NFYB: variants seen among roughly 807,000 people sequenced by gnomAD.
NFYB encodes nuclear transcription factor Y subunit beta, also known as CAAT box DNA-binding protein subunit B.
Under a neutral mutation model 28.0 loss-of-function variants are expected in NFYB, and 13 were observed. That is an observed-to-expected ratio of 0.46 (90% confidence interval 0.30 to 0.74). NFYB has a LOEUF of 0.74. Ranked by LOEUF, NFYB falls within the 30% of genes least tolerant of loss-of-function variation. The pLI is 0.07. For missense variants in NFYB, 142 were observed against 247.6 expected (o/e 0.57, Z 2.86); for synonymous variants, 74 against 75.0 (o/e 0.99, Z 0.07).
chr12:104,124,632 T>C (rs530808476), intron 4 of NFYB, among the ~76,000 whole-genome samples: 3 of 152,334 alleles, frequency 2.0e-5, no homozygotes, highest in South Asian at 2.1e-4. Context: ...ATTCTTACCA[T>C]TTAAACATAG....
chr12:104,125,181 A>G (rs753909156), intron 4 of NFYB: 4 of 152,250 alleles, frequency 2.6e-5, no homozygotes, highest in Admixed American at 6.5e-5. Flanking sequence ...TATTACACCT[A>G]TATCAGACCA....
Position 104,121,279 on chromosome 12 carries a change from T to C in NFYB, c.472A>G (p.Thr158Ala). ...EKGIGGAVTA[T>A]DGLSEELTEE... ...GTAAGCTCTTCACTTAGTCCATCTG[T>C]AGCTGTGACTGCTCCACCAATTCCC... Residue 158 changes from threonine (T) to alanine (A), a missense_variant, in exon 6 of 8, where the codon ACA (threonine) becomes GCA (alanine). Physicochemically the swap from Thr to Ala is moderately conservative, Grantham distance 58 (BLOSUM62 0). Coordinates refer to ENST00000240055, the MANE Select transcript of NFYB (RefSeq NM_006166.4). 6 of 1,612,774 alleles carry C rather than the reference T, an allele frequency of 3.7e-6. No individual in the cohort carries two copies. Among genetic ancestry groups the C allele is most frequent in the Non-Finnish European group, 4.2e-6 (5 of 1,179,624 alleles).
chr12:104,122,350 G>T, intron 5 of NFYB, among the ~76,000 whole-genome samples: 1 of 152,190 alleles, frequency 6.6e-6, no homozygotes, highest in Non-Finnish European at 1.5e-5. Flanking sequence ...CTATGCTATA[G>T]TTAGTAATAA....
In NFYB at chr12:104,135,435, A is replaced by C; in HGVS notation, c.6+13T>G. On this transcript the variant is annotated intron_variant, in intron 2 of 7. Coordinates refer to ENST00000240055, the MANE Select transcript of NFYB (RefSeq NM_006166.4). ...AAATCTAATTAACAACCAAAATGGT[A>C]AAATATACTTACTGTCATGAAATAC... is the stretch of plus-strand genomic sequence containing the variant. The C allele has an allele frequency of 6.3e-7, 1 of 1,587,146 alleles. No homozygotes were observed. The highest frequency in any genetic ancestry group is 1.4e-5 in the African/African-American group (1 of 73,342).
rs192284571 is a variant in NFYB, at chr12:104,120,306, C to T, written c.591+94G>A. ...CTGACCTCAGGTGATCCACCCACCTCGGCCTCCCAAGGTGCTGGGATTACA... is the reference window on the plus strand; with the variant it reads ...CTGACCTCAGGTGATCCACCCACCTTGGCCTCCCAAGGTGCTGGGATTACA... On this transcript the variant is annotated intron_variant, in intron 7 of 7. Coordinates refer to ENST00000240055, the MANE Select transcript of NFYB (RefSeq NM_006166.4). 70 of 961,734 alleles carry T rather than the reference C, an allele frequency of 7.3e-5. 1 individual carries two copies. The highest frequency in any genetic ancestry group is 1.0e-4 in the East Asian group (4 of 38,658). 59.6% of individuals were successfully genotyped at this position (961,734 alleles called of 1,614,324 possible).
intron 3 of NFYB, among the ~76,000 whole-genome samples, chr12:104,126,645 G>C (rs1340853064): frequency 6.6e-6 from 1 of 151,898 alleles, no homozygotes. Flanking sequence ...GCTACTTAAT[G>C]TCACGAATCA....
Position 104,119,603 on chromosome 12 carries a change from G to C in NFYB, c.*134C>G, listed in dbSNP as rs576184297. 14 of 556,652 alleles carry C rather than the reference G, an allele frequency of 2.5e-5. No homozygotes were observed. Among genetic ancestry groups the C allele is most frequent in the African/African-American group, 3.8e-5 (2 of 53,304 alleles). The allele number at this position is 556,652 out of a possible 1,614,324, so 34.5% of individuals were successfully genotyped here. A position where few individuals can be genotyped will look rare whatever the true frequency, so the allele number is the denominator to read the frequency against. ...CAGAATTAACACCTCAATTAGTCAA[G>C]CATCAGGAAGCTACATTACAGCTAT... On this transcript the variant is annotated 3_prime_UTR_variant, in exon 8 of 8. Transcript: ENST00000240055.
intron 2 of NFYB, among the ~76,000 whole-genome samples, chr12:104,129,758 T>C (rs766139063): frequency 3.3e-5 from 5 of 152,140 alleles, no homozygotes; most frequent in Non-Finnish European, 7.4e-5. Context: ...TTGTGGCATG[T>C]GCCTGTAGTC....
chr12:104,121,671 C>T (rs1444120560), intron 5 of NFYB, among the ~76,000 whole-genome samples: 1 of 152,160 alleles, frequency 6.6e-6, no homozygotes, highest in Non-Finnish European at 1.5e-5. Flanking sequence ...ACAAATGATC[C>T]AAGTGATCAC....
chr12:104,128,471 G>T lies in NFYB; in HGVS notation c.53C>A (p.Ser18Tyr). The change falls in exon 3 of 8, where the codon TCT becomes TAT. Residue 18 changes from serine to tyrosine, a missense_variant. Around this residue, in one of 2 missense-constraint regions of NFYB, gnomAD observed 54 missense variants for 58.1 expected, o/e 0.93. Coordinates refer to ENST00000240055, the MANE Select transcript of NFYB (RefSeq NM_006166.4). Reference sequence around the variant, plus strand: ...ATGACTTCCTCCAATATAGTCTGCAGAGATTCCTAGTTGAGAAGCATCTGT... The same window carrying T: ...ATGACTTCCTCCAATATAGTCTGCATAGATTCCTAGTTGAGAAGCATCTGT... ...STTDASQLGI[S>Y]ADYIGGSHYV... The T allele has an allele frequency of 6.2e-7, 1 of 1,612,914 alleles. No individual in the cohort carries two copies. The highest frequency in any genetic ancestry group is 1.1e-5 in the South Asian group (1 of 91,012).
At chr12:104,123,533 T>A in intron 4 of NFYB, 110 bp from the exon 5 acceptor site, 1 of 765,566 alleles carries the variant, frequency 1.3e-6, no homozygotes, top group Non-Finnish European at 2.1e-6. Flanking sequence ...TATGACTATT[T>A]AATCTCTTAA....
chr12:104,129,714 A>T (rs973408426), intron 2 of NFYB, among the ~76,000 whole-genome samples: 5 of 150,638 alleles, frequency 3.3e-5, no homozygotes, highest in South Asian at 2.1e-4. Context: ...CCCTGTCTCT[A>T]AAAAAAAACA....
intron 2 of NFYB, 24 bp downstream of exon 2, chr12:104,135,424 A>G: frequency 6.3e-7 from 1 of 1,581,700 alleles, no homozygotes; most frequent in Non-Finnish European, 8.6e-7. Context: ...CTAATTAACA[A>G]CCAAAATGGT....
At chr12:104,135,342 T>C (rs1463231730) in intron 2 of NFYB, 106 bp downstream of exon 2, 1 of 921,362 alleles carries the variant, frequency 1.1e-6, no homozygotes, top group Non-Finnish European at 1.6e-6. Context: ...AGACTTGAAA[T>C]GCATTCATTC....
At chr12:104,125,903 A>G (rs2030692521) in intron 4 of NFYB, among the ~76,000 whole-genome samples, 1 of 151,792 alleles carries the variant, frequency 6.6e-6, no homozygotes, top group Admixed American at 6.6e-5. Context: ...TCTGCCTCCA[A>G]TAAGTGGGAG....
intron 2 of NFYB, among the ~76,000 whole-genome samples, chr12:104,133,637 A>T (rs1190029530): frequency 6.6e-6 from 1 of 152,252 alleles, no homozygotes; most frequent in Non-Finnish European, 1.5e-5. Flanking sequence ...ATGTAATCTT[A>T]GTATTGCCCC....
chr12:104,138,074 G>A (rs1302827267), intron 1 of NFYB, 67 bp downstream of exon 1: 3 of 147,532 alleles, frequency 2.0e-5, no homozygotes, highest in East Asian at 2.0e-4. Context: ...GGGAGGAGAC[G>A]GACATTTCAT....
At position 104,128,517 on chromosome 12, in the gene NFYB, T is replaced by C. The variant is rs1307037770; in HGVS notation, c.7A>G (p.Met3Val). Residue 3 changes from methionine (M) to valine (V), a missense_variant and splice_region_variant, in exon 3 of 8, where the codon ATG becomes GTG. Physicochemically the swap from Met to Val is conservative, Grantham distance 21 (BLOSUM62 1). Around this residue, in one of 2 missense-constraint regions of NFYB, gnomAD observed 54 missense variants for 58.1 expected, o/e 0.93. Transcript: ENST00000240055. MT[M>V]DGDSSTTDAS... Reference sequence around the variant, plus strand: ...TCTGTTGTAGAACTGTCACCATCCATCTATGAGGAGAAAAACAGTTTTTCA... The same window carrying C: ...TCTGTTGTAGAACTGTCACCATCCACCTATGAGGAGAAAAACAGTTTTTCA... 1 of 1,607,586 alleles carries C rather than the reference T, an allele frequency of 6.2e-7. No individual in the cohort carries two copies. The highest frequency in any genetic ancestry group is 8.5e-7 in the Non-Finnish European group (1 of 1,175,654).
At position 104,137,030 on chromosome 12, in the gene NFYB, CCCCACTGATTAGT is replaced by C. The variant is rs138156885; in HGVS notation, c.-80+1098_-80+1110del. Among the ~76,000 whole-genome samples, 465 of 152,198 alleles carry C rather than the reference CCCCACTGATTAGT, an allele frequency of 3.1e-3. 5 individuals are homozygous for C. The highest frequency in any genetic ancestry group is 0.01 in the African/African-American group (430 of 41,514). On this transcript the variant is annotated intron_variant, in intron 1 of 7. Transcript: ENST00000240055. ...ACTTTCAATACTTTACAAATAAACC[CCCCACTGATTAGT>C]GCCACTGATATTGATCCGTTTGCTT...
Sources: gnomAD v4.1 joint callset for allele counts (sites outside exome capture counted in the v4.1 genomes callset) on GRCh38, gnomAD v4.1.1 for gene constraint, gnomAD v4.1.1 regional missense constraint, MANE v1.5 for transcripts, NCBI Gene and HGNC (gene_info 2026-07-23, HGNC 2026-07-21) for gene names.